FGF13: variants seen among roughly 807,000 people sequenced by gnomAD.
The protein encoded by FGF13 is fibroblast growth factor 13.
FGF13 carries 2 observed loss-of-function variants against 19.5 expected under a neutral mutation model. That is an observed-to-expected ratio of 0.10 (90% CI 0.04 to 0.32). The LOEUF is 0.32. Among genes scored for constraint, FGF13 ranks in the 10% least tolerant of loss-of-function variants. The pLI is 1.00. For synonymous variants in FGF13, 72 were observed against 76.9 expected, an observed-to-expected ratio of 0.94 and a Z score of 0.33; for missense variants, 113 against 192.7, an observed-to-expected ratio of 0.59 and a Z score of 2.45.
In FGF13 at chrX:138,623,418, T is replaced by TTGA. The variant is rs969832582; in HGVS notation, c.*9429_*9431dup. ...AAATGTTGGGTGGAATTCACCAATGTTGATACAAAATCAACATAAAAAATC... is the reference window on the plus strand; with the variant it reads ...AAATGTTGGGTGGAATTCACCAATGTTGATGATACAAAATCAACATAAAAAATC... On this transcript the variant is annotated 3_prime_UTR_variant, in exon 5 of 5. Transcript: ENST00000315930. The TTGA allele has an allele frequency of 2.2e-4, 25 of 111,416 alleles. No individual in the cohort carries two copies. Among genetic ancestry groups the TTGA allele is most frequent in the African/African-American group, 8.2e-4 (25 of 30,624 alleles). The allele number at this position is 111,416 out of a possible 1,213,427, so 9.2% of individuals were successfully genotyped here.
At chrX:139,075,832 C>CTTTTTT (rs749792834) in intron 1 of FGF13, among the ~76,000 whole-genome samples, 1 of 32,539 alleles carries the variant, frequency 3.1e-5, no homozygotes, top group Non-Finnish European at 4.8e-5. Flanking sequence ...ATGTGTATTT[C>CTTTTTT]TTTTTTTTTT....
chrX:138,878,478 A>T (rs2091404438), intron 1 of FGF13, among the ~76,000 whole-genome samples: 1 of 108,384 alleles, frequency 9.2e-6, no homozygotes, highest in Admixed American at 9.8e-5. Context: ...AAAGGACATG[A>T]ACTCATCATT....
intron 1 of FGF13, among the ~76,000 whole-genome samples, chrX:139,112,324 T>G (rs1277950810): frequency 9.0e-6 from 1 of 111,407 alleles, no homozygotes; most frequent in Non-Finnish European, 1.9e-5. Context: ...GCCCAACATA[T>G]AGTAGGCTCT....
chrX:139,163,701 A>G (rs1254821343), intron 1 of FGF13, among the ~76,000 whole-genome samples: 1 of 110,927 alleles, frequency 9.0e-6, no homozygotes, highest in African/African-American at 3.3e-5. Context: ...AACTACTACT[A>G]CTACTATTAT....
intron 3 of FGF13, among the ~76,000 whole-genome samples, chrX:138,838,621 C>A (rs377482726): frequency 3.6e-5 from 4 of 111,927 alleles, no homozygotes; most frequent in African/African-American, 1.3e-4. Flanking sequence ...AGTCCCAATG[C>A]GAGTACCTGA....
chrX:139,071,083 C>A (rs1165144588), intron 1 of FGF13, among the ~76,000 whole-genome samples: 2 of 111,092 alleles, frequency 1.8e-5, no homozygotes, highest in Non-Finnish European at 3.8e-5. Flanking sequence ...ACCTATGTAA[C>A]AAACCTGCTC....
intron 1 of FGF13, among the ~76,000 whole-genome samples, chrX:138,881,949 T>C (rs897326949): frequency 9.1e-6 from 1 of 110,277 alleles, no homozygotes; most frequent in African/African-American, 3.3e-5. Flanking sequence ...TTGCTTTATG[T>C]CTAGTTAGTT....
chrX:138,640,527 C>T (rs937188993), intron 3 of FGF13, among the ~76,000 whole-genome samples: 1 of 111,526 alleles, frequency 9.0e-6, no homozygotes, highest in Non-Finnish European at 1.9e-5. Flanking sequence ...TTTGGCCTCC[C>T]GGAGCTGGAG....
chrX:138,849,968 A>G (rs762505990), intron 3 of FGF13, among the ~76,000 whole-genome samples: 1 of 111,592 alleles, frequency 9.0e-6, no homozygotes, highest in Non-Finnish European at 1.9e-5. Flanking sequence ...TGCTGGCTTC[A>G]TACAGGAGAA....
chrX:138,675,955 G>C (rs1327797464), intron 3 of FGF13, among the ~76,000 whole-genome samples: 1 of 111,792 alleles, frequency 8.9e-6, no homozygotes, highest in African/African-American at 3.2e-5. Context: ...GATGAGACCT[G>C]AGTCTTCCAA....
intron 1 of FGF13, among the ~76,000 whole-genome samples, chrX:139,146,552 A>T (rs761240474): frequency 1.4e-3 from 161 of 112,253 alleles, no homozygotes; most frequent in African/African-American, 5.1e-3. Context: ...ATTGTGGAAG[A>T]CAGTGTGGCA....
intron 1 of FGF13, among the ~76,000 whole-genome samples, chrX:139,192,688 G>A (rs1026121592): frequency 5.4e-5 from 6 of 111,265 alleles, no homozygotes; most frequent in East Asian, 2.8e-4. Context: ...GTGGTTAGAC[G>A]TGATGCTGAT....
chrX:139,101,889 C>T (rs959510958), intron 1 of FGF13, among the ~76,000 whole-genome samples: 1 of 112,142 alleles, frequency 8.9e-6, no homozygotes, highest in Non-Finnish European at 1.9e-5. Context: ...GAGGACTGGG[C>T]TGGGAGAATG....
chrX:139,204,366 G>C (rs996180421), upstream of FGF13: 40 of 267,730 alleles, frequency 1.5e-4, no homozygotes, highest in Non-Finnish European at 2.3e-4. Flanking sequence ...CGCGGGAGGA[G>C]CCGCTCGCCG....
At chrX:138,835,708 G>A (rs113114506) in intron 3 of FGF13, among the ~76,000 whole-genome samples, 1,306 of 111,844 alleles carry the variant, frequency 0.012, 16 homozygotes, top group African/African-American at 0.04. Flanking sequence ...TATGTTTGCA[G>A]ACTTGTTTAT....
rs749216038 is a variant in FGF13, at chrX:138,846,452, A to G, written c.217+11060T>C. ...GTGCTCATGCACGGAAAGAGAGAGA[A>G]GAAGCAAATAATTTCAATATGGATG... On this transcript the variant is annotated intron_variant, in intron 3 of 6. Transcript: ENST00000436198. Among the ~76,000 whole-genome samples, 5 of 111,822 alleles carry G rather than the reference A, an allele frequency of 4.5e-5. No homozygotes were observed. In the Admixed American group the frequency reaches 4.7e-4, roughly 11 times the overall value.
intron 1 of FGF13, among the ~76,000 whole-genome samples, chrX:139,189,488 A>C (rs1316033309): frequency 9.0e-6 from 1 of 111,662 alleles, no homozygotes; most frequent in Non-Finnish European, 1.9e-5. Flanking sequence ...CACACACTAC[A>C]ACATGGATGA....
chrX:139,036,097 G>T (rs1242351995), intron 1 of FGF13, among the ~76,000 whole-genome samples: 1 of 111,972 alleles, frequency 8.9e-6, no homozygotes, highest in Non-Finnish European at 1.9e-5. Flanking sequence ...CCTGACCTAT[G>T]ACATAGGGGA....
At chrX:138,809,455 A>G (rs1018261158) in intron 3 of FGF13, among the ~76,000 whole-genome samples, 2 of 111,770 alleles carry the variant, frequency 1.8e-5, no homozygotes, top group Non-Finnish European at 3.8e-5. Context: ...TCAAAATAAT[A>G]AGAGCTACTT....
Sources: gnomAD v4.1 joint callset for allele counts (sites outside exome capture counted in the v4.1 genomes callset) on GRCh38, gnomAD v4.1.1 for gene constraint, MANE v1.5 for transcripts, NCBI Gene and HGNC (gene_info 2026-07-23, HGNC 2026-07-21) for gene names.